The following KCNRG variants were observed in gnomAD, a reference collection of about 807,000 sequenced individuals.
KCNRG encodes potassium channel regulatory protein.
A neutral mutation model predicts 17.7 loss-of-function variants in KCNRG; 17 were observed. The observed-to-expected ratio is 0.96, with a 90% CI of 0.66 to 1.44. KCNRG has a LOEUF of 1.44. KCNRG is among the 40% of genes most tolerant of loss of function. The probability of loss-of-function intolerance (pLI) is 0.00; values close to 1 mark genes in which losing one functional copy is unlikely to be tolerated. For missense variants in KCNRG, 311 were observed against 321.1 expected (o/e 0.97, Z 0.24); for synonymous variants, 97 against 116.5 (o/e 0.83, Z 1.08).
Position 50,015,674 on chromosome 13 carries a change from ATCT to A in KCNRG, c.183_185del (p.Leu62del), listed in dbSNP as rs1288517801. The A allele has an allele frequency of 2.5e-6, 4 of 1,614,138 alleles. No individual in the cohort carries two copies. The South Asian group carries it at 4.4e-5, about 18-fold the overall frequency. On this transcript the variant is annotated inframe_deletion, in exon 1 of 2. Coordinates refer to ENST00000312942, the MANE Select transcript of KCNRG (RefSeq NM_173605.2). ...CAGAGATGGTGATTTGTTTAGTTTC[ATCT>A]TAGATTTTTTGAGAACTCACCAGCT...
intron 1 of KCNRG, chr13:50,019,015 T>C (rs1325294343): frequency 6.6e-6 from 1 of 152,392 alleles, no homozygotes; most frequent in Non-Finnish European, 1.5e-5. Context: ...CGAGCTCAGG[T>C]GATCCACCAG....
rs189039434 is a variant in KCNRG, at chr13:50,016,367, C to T, written c.578+296C>T. 9.7e-6 allele frequency: 3 copies of T among 308,700 alleles called. No individual in the cohort carries two copies. The East Asian group carries it at 2.0e-4, about 20-fold the overall frequency. 19.1% of individuals were successfully genotyped at this position (308,700 alleles called of 1,614,324 possible). ...AGAAAATAATTTTGTAGATTATGTT[C>T]CATTGCTAATGAATTTGACTTAGAA... is the stretch of plus-strand genomic sequence containing the variant. On this transcript the variant is annotated intron_variant, in intron 1 of 1. Coordinates refer to ENST00000312942, the MANE Select transcript of KCNRG (RefSeq NM_173605.2).
In KCNRG at chr13:50,016,050, C is replaced by A. The variant is rs1157678442; in HGVS notation, c.557C>A (p.Thr186Asn). 6.2e-7 allele frequency: 1 copy of A among 1,613,144 alleles called. No individual in the cohort carries two copies. Among genetic ancestry groups the A allele is most frequent in the Non-Finnish European group, 8.5e-7 (1 of 1,179,140 alleles). The change falls in exon 1 of 2, where the codon ACT becomes AAT. Residue 186 changes from threonine to asparagine, a missense_variant. Thr to Asn is a moderately conservative substitution (Grantham distance 65, BLOSUM62 0). Transcript: ENST00000312942. ...LVFQCGSDST[T>N]DNQTGVRYVS... ...TTCCAGTGTGGTTCTGACAGCACTACTGATAACCAAACTGGAGTCAGGTAT... is the reference window on the plus strand; with the variant it reads ...TTCCAGTGTGGTTCTGACAGCACTAATGATAACCAAACTGGAGTCAGGTAT...
intron 1 of KCNRG, 54 bp from the exon 2 acceptor site, chr13:50,020,160 T>G (rs1877066912): frequency 1.9e-6 from 3 of 1,564,944 alleles, no homozygotes; most frequent in Middle Eastern, 1.8e-4. Context: ...GTGTATAGTT[T>G]TGCTAGTTAT....
chr13:50,015,571 T>TC lies in KCNRG; in HGVS notation c.80dup (p.Ala28CysfsTer29). 1 of 1,614,094 alleles carries TC rather than the reference T, an allele frequency of 6.2e-7. No individual in the cohort carries two copies. Among genetic ancestry groups the TC allele is most frequent in the South Asian group, 1.1e-5 (1 of 91,080 alleles). The stretch of plus-strand genomic sequence containing the variant: ...CAAGGTTTTCTACGATAAAGCAGTT[T>TC]CCTGCTTCTCGTTTGGCACGCATGT... On this transcript the variant is annotated frameshift_variant, in exon 1 of 2. Coordinates refer to ENST00000312942, the MANE Select transcript of KCNRG (RefSeq NM_173605.2). LOFTEE classifies it high-confidence loss of function.
At position 50,015,949 on chromosome 13, in the gene KCNRG, GAATGGT is replaced by G; in HGVS notation, c.459_464del (p.Gly154_Asn155del). On this transcript the variant is annotated inframe_deletion, in exon 1 of 2. Coordinates refer to ENST00000312942, the MANE Select transcript of KCNRG (RefSeq NM_173605.2). ...CAGAACAACCTTCAGCGCCGACCTG[GAATGGT>G]AACTTTTTCCCTCCTCAGATGACCT... 1.2e-6 allele frequency: 2 copies of G among 1,614,096 alleles called. No individual in the cohort carries two copies. Among genetic ancestry groups the G allele is most frequent in the Non-Finnish European group, 1.7e-6 (2 of 1,179,976 alleles).
rs1566454173 is a variant in KCNRG, at chr13:50,020,253, C to CG, written c.620dup (p.Thr208AsnfsTer9). ...AACCTGATAACCGAAAATTGGCCAA[C>CG]GGAACAAATGTCCTCGGCTTACTGA... On this transcript the variant is annotated frameshift_variant, in exon 2 of 2. Coordinates refer to ENST00000312942, the MANE Select transcript of KCNRG (RefSeq NM_173605.2). LOFTEE classifies it high-confidence loss of function. 1 of 1,613,944 alleles carries CG rather than the reference C, an allele frequency of 6.2e-7. No individual in the cohort carries two copies. Among genetic ancestry groups the CG allele is most frequent in the Non-Finnish European group, 8.5e-7 (1 of 1,179,890 alleles).
chr13:50,020,531 A>G lies in KCNRG; in HGVS notation c.*77A>G. 1 of 1,447,306 alleles carries G rather than the reference A, an allele frequency of 6.9e-7. No homozygotes were observed. Among genetic ancestry groups the G allele is most frequent in the African/African-American group, 1.4e-5 (1 of 70,764 alleles). The allele number at this position is 1,447,306 out of a possible 1,614,324, so 89.7% of individuals were successfully genotyped here. A position where few individuals can be genotyped will look rare whatever the true frequency, so the allele number is the denominator to read the frequency against. On this transcript the variant is annotated 3_prime_UTR_variant, in exon 2 of 2. Transcript: ENST00000312942. ...GTATTTAGGGCATACATGTTAGCCA[A>G]ATCTACACTCAGCCTAACTCTTGGC...
intron 1 of KCNRG, 122 bp from the exon 2 acceptor site, chr13:50,020,091 CA>C (rs796895702): frequency 5.1e-3 from 3,897 of 771,064 alleles, no homozygotes; most frequent in South Asian, 5.8e-3. Context: ...AATGAAATTT[CA>C]AAAAAAAAAT....
At chr13:50,019,174 T>TC (rs1719100114) in intron 1 of KCNRG, among the ~76,000 whole-genome samples, 4 of 151,528 alleles carry the variant, frequency 2.6e-5, no homozygotes, top group Admixed American at 1.3e-4. Flanking sequence ...AGACGGAGTC[T>TC]CGCTCTGTCA....
intron 1 of KCNRG, 44 bp downstream of exon 1, chr13:50,016,115 A>ATGTT: frequency 7.0e-7 from 1 of 1,419,400 alleles, no homozygotes; most frequent in African/African-American, 1.4e-5. Flanking sequence ...CCAGTTTGTG[A>ATGTT]TGTTTTCTCT....
At position 50,015,610 on chromosome 13, in the gene KCNRG, C is replaced by T; in HGVS notation, c.117C>T (p.Asp39=). 1 of 1,614,070 alleles carries T rather than the reference C, an allele frequency of 6.2e-7. No homozygotes were observed. Among genetic ancestry groups the T allele is most frequent in the South Asian group, 1.1e-5 (1 of 91,080 alleles). Reference sequence around the variant, plus strand: ...TGGCACGCATGTTAGATGGCAGAGACCAAGAATTCAAGATGGTTGGTGGCC... The same window carrying T: ...TGGCACGCATGTTAGATGGCAGAGATCAAGAATTCAAGATGGTTGGTGGCC... ...SRLARMLDGR[D]QEFKMVGGQI... The change falls in exon 1 of 2, where the codon GAC becomes GAT. Residue 39 remains aspartate, a synonymous_variant. Transcript: ENST00000312942.
At chr13:50,016,947 GTCTC>G (rs1184254177) in intron 1 of KCNRG, 1 of 165,520 alleles carries the variant, frequency 6.0e-6, no homozygotes, top group Non-Finnish European at 1.5e-5. Flanking sequence ...GGATACCAGT[GTCTC>G]TCTCTCTTAG....
At chr13:50,016,852 T>C (rs1168926708) in intron 1 of KCNRG, 2 of 144,046 alleles carry the variant, frequency 1.4e-5, no homozygotes, top group Non-Finnish European at 3.2e-5. Context: ...ATTGGTATCA[T>C]TTAAAATATA....
At chr13:50,018,189 G>A (rs1876855085) in intron 1 of KCNRG, 1 of 166,818 alleles carries the variant, frequency 6.0e-6, no homozygotes, top group South Asian at 2.1e-4. Context: ...TCCTTTCTTT[G>A]TGTGCTTGAA....
chr13:50,019,229 C>A (rs1485125780), intron 1 of KCNRG, among the ~76,000 whole-genome samples: 1 of 152,014 alleles, frequency 6.6e-6, no homozygotes, highest in Non-Finnish European at 1.5e-5. Context: ...ACTGCAAGCT[C>A]CGCCTCCTCA....
At chr13:50,019,288 G>A (rs1417260905) in intron 1 of KCNRG, among the ~76,000 whole-genome samples, 2 of 152,122 alleles carry the variant, frequency 1.3e-5, no homozygotes, top group African/African-American at 2.4e-5. Flanking sequence ...GTTCTGTGGA[G>A]CACCTCAGTG....
intron 1 of KCNRG, chr13:50,016,475 CTA>C (rs1451397515): frequency 5.7e-6 from 1 of 175,880 alleles, no homozygotes; most frequent in Non-Finnish European, 1.3e-5. Flanking sequence ...TCCTTACACA[CTA>C]TATAAGTTGT....
At position 50,020,503 on chromosome 13, in the gene KCNRG, T is replaced by G; in HGVS notation, c.*49T>G. 1 of 1,586,468 alleles carries G rather than the reference T, an allele frequency of 6.3e-7. No homozygotes were observed. Among genetic ancestry groups the G allele is most frequent in the Non-Finnish European group, 8.6e-7 (1 of 1,162,260 alleles). ...GAAATTGCCATTTTTCTTGTTTCAT[T>G]ACGTATTTAGGGCATACATGTTAGC... On this transcript the variant is annotated 3_prime_UTR_variant, in exon 2 of 2. Coordinates refer to ENST00000312942, the MANE Select transcript of KCNRG (RefSeq NM_173605.2).
Sources: gnomAD v4.1 joint callset for allele counts (sites outside exome capture counted in the v4.1 genomes callset) on GRCh38, gnomAD v4.1.1 for gene constraint, MANE v1.5 for transcripts, NCBI Gene and HGNC (gene_info 2026-07-23, HGNC 2026-07-21) for gene names.